Variants in PRKG1 observed in about 807,000 individuals in gnomAD.
PRKG1 encodes cGMP-dependent protein kinase 1.
Under a neutral mutation model 88.1 loss-of-function variants are expected in PRKG1, and 35 were observed. The ratio of observed to expected loss-of-function variants is 0.40; its 90% confidence interval spans 0.30 to 0.53. The LOEUF (loss-of-function observed/expected upper bound fraction) is 0.53. Ranked by LOEUF, PRKG1 falls within the 20% of genes least tolerant of loss-of-function variation. The probability of loss-of-function intolerance (pLI) is 0.59; values close to 1 mark genes in which losing one functional copy is unlikely to be tolerated. For synonymous variants in PRKG1, 303 were observed against 292.5 expected, an observed-to-expected ratio of 1.04 and a Z score of -0.37; for missense variants, 540 against 839.8, an observed-to-expected ratio of 0.64 and a Z score of 4.41.
intron 2 of PRKG1, among the ~76,000 whole-genome samples, chr10:51,270,699 C>G (rs531144681): frequency 1.3e-5 from 2 of 152,190 alleles, no homozygotes; most frequent in East Asian, 3.9e-4. Flanking sequence ...AAAAATCAAC[C>G]CTTTCCATGA....
chr10:51,534,396 C>A (rs374725665), intron 3 of PRKG1, among the ~76,000 whole-genome samples: 77 of 152,106 alleles, frequency 5.1e-4, no homozygotes, highest in African/African-American at 1.8e-3. Context: ...GGGCTGGGCG[C>A]GGTGGCTCAC....
intron 2 of PRKG1, among the ~76,000 whole-genome samples, chr10:51,374,221 T>C (rs977950918): frequency 6.6e-6 from 1 of 151,368 alleles, no homozygotes; most frequent in Non-Finnish European, 1.5e-5. Context: ...TTTCTCCTAA[T>C]GCAGTCCCTC....
intron 12 of PRKG1, among the ~76,000 whole-genome samples, chr10:52,274,216 A>T (rs935591732): frequency 6.6e-6 from 1 of 152,120 alleles, no homozygotes; most frequent in African/African-American, 2.4e-5. Flanking sequence ...ATTTTGGTGT[A>T]CCCATCACGC....
intron 9 of PRKG1, among the ~76,000 whole-genome samples, chr10:52,226,549 A>G (rs1840393267): frequency 6.6e-6 from 1 of 152,134 alleles, no homozygotes; most frequent in East Asian, 1.9e-4. Context: ...TTAAAATCGT[A>G]TTTCCATGCT....
Position 52,193,548 on chromosome 10 carries a change from C to CAAAAAAAAAA in PRKG1, c.1076+31590_1076+31599dup, listed in dbSNP as rs34730000. ...GAACAAAAAGAGTGAGACTCTGTCT[C>CAAAAAAAAAA]AAAAAAAAAAAAAACAAAAAAAAAA... is the stretch of plus-strand genomic sequence containing the variant. On this transcript the variant is annotated intron_variant, in intron 9 of 17. Coordinates refer to ENST00000373980, the MANE Select transcript of PRKG1 (RefSeq NM_006258.4). Among the ~76,000 whole-genome samples the CAAAAAAAAAA allele has an allele frequency of 6.1e-4, 26 of 42,828 alleles. 2 individuals are homozygous for CAAAAAAAAAA. Among genetic ancestry groups the CAAAAAAAAAA allele is most frequent in the African/African-American group, 1.9e-3 (26 of 13,538 alleles). 28.1% of individuals were successfully genotyped at this position (42,828 alleles called of 152,430 possible). A position where few individuals can be genotyped will look rare whatever the true frequency, so the allele number is the denominator to read the frequency against.
intron 1 of PRKG1, among the ~76,000 whole-genome samples, chr10:51,123,358 T>C (rs1845310861): frequency 6.6e-6 from 1 of 152,176 alleles, no homozygotes; most frequent in Non-Finnish European, 1.5e-5. Context: ...ACTTCTTGCA[T>C]GCTCCGTATT....
At chr10:51,055,283 A>C (rs962205835) in intron 1 of PRKG1, among the ~76,000 whole-genome samples, 1 of 152,142 alleles carries the variant, frequency 6.6e-6, no homozygotes, top group African/African-American at 2.4e-5. Context: ...ATGCAAAATC[A>C]GAGTTAGAGG....
chr10:51,653,045 T>C (rs748888136), intron 3 of PRKG1, among the ~76,000 whole-genome samples: 2 of 152,226 alleles, frequency 1.3e-5, no homozygotes, highest in Non-Finnish European at 2.9e-5. Flanking sequence ...TGACAAGATT[T>C]CCCCTTTATT....
At chr10:51,539,160 T>G (rs1401786542) in intron 3 of PRKG1, among the ~76,000 whole-genome samples, 1 of 152,168 alleles carries the variant, frequency 6.6e-6, no homozygotes, top group African/African-American at 2.4e-5. Context: ...TTTGCCTTTT[T>G]GTTTATGTTC....
At chr10:52,258,321 C>T (rs1841354842) in intron 10 of PRKG1, among the ~76,000 whole-genome samples, 1 of 139,194 alleles carries the variant, frequency 7.2e-6, no homozygotes, top group South Asian at 2.3e-4. Context: ...TTAGGTCATA[C>T]TTGCCTTTTT....
Position 51,538,408 on chromosome 10 carries a change from TACATATAATATATG to T in PRKG1, c.592+70574_592+70587del, listed in dbSNP as rs1408898804. On this transcript the variant is annotated intron_variant, in intron 3 of 17. Transcript: ENST00000373980. ...ATTATACATATCATATATATACATATACATATAATATATGATATATGATATATAATAATGTATTA... is the reference window on the plus strand; with the variant it reads ...ATTATACATATCATATATATACATATATATATGATATATAATAATGTATTA... Among the ~76,000 whole-genome samples the T allele has an allele frequency of 9.0e-5, 8 of 88,978 alleles. No homozygotes were observed. In the East Asian group the frequency reaches 1.9e-3, roughly 21 times the overall value. The allele number at this position is 88,978 out of a possible 152,430, so 58.4% of individuals were successfully genotyped here. A position where few individuals can be genotyped will look rare whatever the true frequency, so the allele number is the denominator to read the frequency against.
At chr10:51,944,895 T>C (rs1004778407) in intron 5 of PRKG1, among the ~76,000 whole-genome samples, 11 of 152,022 alleles carry the variant, frequency 7.2e-5, no homozygotes, top group African/African-American at 2.7e-4. Flanking sequence ...AGTTTTGGAA[T>C]AGGTGTGGTG....
chr10:51,471,512 A>G (rs1388996706), intron 3 of PRKG1, among the ~76,000 whole-genome samples: 1 of 151,792 alleles, frequency 6.6e-6, no homozygotes, highest in Non-Finnish European at 1.5e-5. Flanking sequence ...TTTCACTTTT[A>G]CTACCCTCAC....
At chr10:51,593,321 CA>C (rs1212839883) in intron 3 of PRKG1, among the ~76,000 whole-genome samples, 2 of 152,070 alleles carry the variant, frequency 1.3e-5, no homozygotes, top group African/African-American at 2.4e-5. Flanking sequence ...AAACAAAAAA[CA>C]AAAAACTAGA....
intron 1 of PRKG1, among the ~76,000 whole-genome samples, chr10:51,092,220 A>G (rs1288563337): frequency 6.6e-6 from 1 of 152,210 alleles, no homozygotes; most frequent in Non-Finnish European, 1.5e-5. Flanking sequence ...GGAATGGACA[A>G]GCATACATGA....
chr10:51,032,228 T>C (rs934325498), intron 1 of PRKG1, among the ~76,000 whole-genome samples: 1 of 152,148 alleles, frequency 6.6e-6, no homozygotes, highest in African/African-American at 2.4e-5. Context: ...TGAGGATCTG[T>C]GACTTGCAGC....
At chr10:51,877,125 A>G (rs1440423209) in intron 4 of PRKG1, among the ~76,000 whole-genome samples, 6 of 151,914 alleles carry the variant, frequency 3.9e-5, no homozygotes, top group Non-Finnish European at 7.4e-5. Context: ...TTCTCCCCCC[A>G]TGCACCCTCC....
intron 3 of PRKG1, among the ~76,000 whole-genome samples, chr10:51,744,460 A>C (rs1328556627): frequency 1.3e-5 from 2 of 152,206 alleles, no homozygotes; most frequent in Non-Finnish European, 2.9e-5. Context: ...AGCCAGTTTC[A>C]GAATGAAGAC....
At chr10:51,448,307 A>G (rs1021107120) in intron 2 of PRKG1, among the ~76,000 whole-genome samples, 5 of 151,976 alleles carry the variant, frequency 3.3e-5, no homozygotes, top group Non-Finnish European at 7.4e-5. Flanking sequence ...GTTGACATTC[A>G]TGTTTTCCCA....
Sources: allele counts gnomAD v4.1 joint callset (sites outside exome capture counted in the v4.1 genomes callset), GRCh38; gene constraint gnomAD v4.1.1; transcripts MANE v1.5; gene names NCBI Gene and HGNC (gene_info 2026-07-23, HGNC 2026-07-21).